Variants in TBX4 observed in about 807,000 individuals in gnomAD.
TBX4 encodes T-box transcription factor TBX4.
Under a neutral mutation model 54.6 loss-of-function variants are expected in TBX4, and 13 were observed. That is an observed-to-expected ratio of 0.24 (90% confidence interval 0.15 to 0.38). TBX4 has a LOEUF of 0.38. TBX4 is among the 10% of genes least tolerant of loss of function. TBX4 has a pLI of 1.00. For missense variants in TBX4, 631 were observed against 728.5 expected (o/e 0.87, Z 1.54); for synonymous variants, 314 against 306.7 (o/e 1.02, Z -0.25).
chr17:61,452,938 A>G (rs1354246798), intron 1 of TBX4: 1 of 985,474 alleles, frequency 1.0e-6, no homozygotes. Flanking sequence ...CAGAATATGC[A>G]AGGCCAAGGA....
At position 61,471,543 on chromosome 17, in the gene TBX4, A is replaced by ATT. The variant is rs59212228; in HGVS notation, c.549+3901_549+3902dup. 3.5e-3 allele frequency among the ~76,000 whole-genome samples: 478 copies of ATT among 136,292 alleles called. 7 individuals carry two copies. The highest frequency in any genetic ancestry group is 0.012 in the African/African-American group (447 of 37,254). 89.4% of individuals were successfully genotyped at this position (136,292 alleles called of 152,430 possible). A position where few individuals can be genotyped will look rare whatever the true frequency, so the allele number is the denominator to read the frequency against. On this transcript the variant is annotated intron_variant, in intron 5 of 8. Coordinates refer to ENST00000644296, the MANE Select transcript of TBX4 (RefSeq NM_001321120.2). ...CCATGGCTACCAATTTCTTTTCAGC[A>ATT]TTTTTTTTTTTTTTTTGCACATAGG...
In TBX4 at chr17:61,456,632, C is replaced by G. The variant is rs879172188; in HGVS notation, c.142C>G (p.Pro48Ala). The change falls in exon 2 of 9, where the codon CCG (proline) becomes GCG (alanine). Residue 48 changes from proline (P) to alanine (A), a missense_variant. This residue lies in a region of TBX4 where 123 missense variants were observed against 120.9 expected (regional missense o/e 1.02). Transcript: ENST00000644296. The stretch of plus-strand genomic sequence containing the variant: ...CAGCGGAGCCGCGCTAGGCAGCCCC[C>G]CGGGACCCGGGGCCGACGTCGTCGC... ...GLSGAALGSP[P>A]GPGADVVAAA... 7.3e-7 allele frequency: 1 copy of G among 1,361,828 alleles called. No homozygotes were observed. Among genetic ancestry groups the G allele is most frequent in the South Asian group, 1.9e-5 (1 of 51,878 alleles). 84.4% of individuals were successfully genotyped at this position (1,361,828 alleles called of 1,614,324 possible).
Position 61,482,970 on chromosome 17 carries a change from T to A in TBX4, c.1095T>A (p.Asp365Glu). 1.2e-6 allele frequency: 2 copies of A among 1,613,856 alleles called. No individual in the cohort carries two copies. The highest frequency in any genetic ancestry group is 1.7e-6 in the Non-Finnish European group (2 of 1,179,922). ...YLEAPSSVGE[D>E]HYFRSPPPYD... ...AAGCCCCCTCTTCGGTGGGGGAGGA[T>A]CACTATTTCCGTTCCCCCCCTCCCT... is the stretch of plus-strand genomic sequence containing the variant. Residue 365 changes from aspartate to glutamate, a missense_variant, in exon 9 of 9, where the codon GAT becomes GAA. Asp to Glu is a conservative substitution (Grantham distance 45, BLOSUM62 2). Around this residue, in one of 3 missense-constraint regions of TBX4, gnomAD observed 354 missense variants for 368.9 expected, o/e 0.96. Coordinates refer to ENST00000644296, the MANE Select transcript of TBX4 (RefSeq NM_001321120.2).
chr17:61,468,527 C>T (rs564226055), intron 5 of TBX4, among the ~76,000 whole-genome samples: 47 of 152,156 alleles, frequency 3.1e-4, no homozygotes, highest in Non-Finnish European at 6.2e-4. Context: ...GCAGGTATGT[C>T]CCGCTTTTAC....
At chr17:61,456,921 A>G (rs1005813206) in intron 2 of TBX4, among the ~76,000 whole-genome samples, 2 of 152,124 alleles carry the variant, frequency 1.3e-5, no homozygotes, top group African/African-American at 4.8e-5. Flanking sequence ...GAGATAGAGG[A>G]GAGGGCGGTA....
At chr17:61,469,931 A>G (rs963071106) in intron 5 of TBX4, among the ~76,000 whole-genome samples, 1 of 152,016 alleles carries the variant, frequency 6.6e-6, no homozygotes, top group African/African-American at 2.4e-5. Context: ...AACCACTTCT[A>G]CGTTTTCAGC....
At position 61,480,394 on chromosome 17, in the gene TBX4, G is replaced by GC. The variant is rs112008276; in HGVS notation, c.1021+86dup. The GC allele has an allele frequency of 0.04, 36,896 of 926,858 alleles. 391 individuals are homozygous for GC. Among genetic ancestry groups the GC allele is most frequent in the African/African-American group, 0.12 (6,776 of 57,792 alleles). 57.4% of individuals were successfully genotyped at this position (926,858 alleles called of 1,614,324 possible). A position where few individuals can be genotyped will look rare whatever the true frequency, so the allele number is the denominator to read the frequency against. On this transcript the variant is annotated intron_variant, in intron 8 of 8. Coordinates refer to ENST00000644296, the MANE Select transcript of TBX4 (RefSeq NM_001321120.2). This position sits in a 1 kb window ranked among gnomAD's most constrained non-coding sequence, Gnocchi z 6.2. ...GTTCTCCCCGAAACCACTCTGCAGC[G>GC]CCCCCCCCCCCAACACACACACACT...
At chr17:61,466,931 G>A (rs2060541396) in intron 4 of TBX4, among the ~76,000 whole-genome samples, 1 of 152,180 alleles carries the variant, frequency 6.6e-6, no homozygotes, top group African/African-American at 2.4e-5. Context: ...AGAGGCAGGA[G>A]GATGACTTGA....
rs1487744569 is a variant in TBX4 at position 61,466,857 on chromosome 17, T to C, written c.402-653T>C. Among the ~76,000 whole-genome samples, 6 of 152,202 alleles carry C rather than the reference T, an allele frequency of 3.9e-5. No homozygotes were observed. The East Asian group carries it at 1.2e-3, about 29-fold the overall frequency. On this transcript the variant is annotated intron_variant, in intron 4 of 8. Coordinates refer to ENST00000644296, the MANE Select transcript of TBX4 (RefSeq NM_001321120.2). ...CCTCTAAATAATATAATTTATAACA[T>C]GTGACAATCATAATCATACCAGGTG...
In TBX4 at chr17:61,457,142, G is replaced by T. The variant is rs1603248427; in HGVS notation, c.187-395G>T. Among the ~76,000 whole-genome samples, 1 of 152,186 alleles carries T rather than the reference G, an allele frequency of 6.6e-6. No homozygotes were observed. Among genetic ancestry groups the T allele is most frequent in the Non-Finnish European group, 1.5e-5 (1 of 68,030 alleles). On this transcript the variant is annotated intron_variant, in intron 2 of 8. Transcript: ENST00000644296. The surrounding 1 kb of genome is among the most constrained non-coding windows in gnomAD (Gnocchi z 8.2). ...GGACGATCACAGCGCACGGGATGCC[G>T]CCTGGGGATCTGTGTGCACTATCTG...
intron 5 of TBX4, among the ~76,000 whole-genome samples, chr17:61,473,582 G>A (rs1225757891): frequency 6.6e-6 from 1 of 152,138 alleles, no homozygotes; most frequent in African/African-American, 2.4e-5. Flanking sequence ...TGACAATGTG[G>A]CAAGCCCTGA....
intron 5 of TBX4, among the ~76,000 whole-genome samples, chr17:61,468,979 G>T (rs1444833696): frequency 2.0e-5 from 3 of 152,178 alleles, no homozygotes; most frequent in Non-Finnish European, 4.4e-5. Flanking sequence ...CTCTGTGTGG[G>T]GAGGCTAGGG....
intron 5 of TBX4, among the ~76,000 whole-genome samples, chr17:61,477,336 G>A (rs1158668619): frequency 6.6e-6 from 1 of 152,236 alleles, no homozygotes; most frequent in African/African-American, 2.4e-5. Context: ...AATGAAGCAG[G>A]TTTGGAGCAG....
chr17:61,469,791 G>A (rs1428330833), intron 5 of TBX4, among the ~76,000 whole-genome samples: 1 of 152,196 alleles, frequency 6.6e-6, no homozygotes, highest in Non-Finnish European at 1.5e-5. Context: ...ATTTTCTTCT[G>A]CCTCTTGGCC....
At chr17:61,470,822 C>T (rs8076731) in intron 5 of TBX4, among the ~76,000 whole-genome samples, 4 of 152,204 alleles carry the variant, frequency 2.6e-5, no homozygotes, top group Non-Finnish European at 2.9e-5. Context: ...GTCCTGTGCC[C>T]GGCGACTATG....
rs1009961 is a variant in TBX4, at chr17:61,467,414, C to T, written c.402-96C>T. On this transcript the variant is annotated intron_variant, in intron 4 of 8. Coordinates refer to ENST00000644296, the MANE Select transcript of TBX4 (RefSeq NM_001321120.2). Reference sequence around the variant, plus strand: ...GTGGTGGGACCAGCAGCTATTTTTTCCTCTGGTCAATGGGGGTTTGCTCCA... The same window carrying T: ...GTGGTGGGACCAGCAGCTATTTTTTTCTCTGGTCAATGGGGGTTTGCTCCA... 0.1 allele frequency: 150,992 copies of T among 1,468,882 alleles called. 8,470 individuals are homozygous for T. Among genetic ancestry groups the T allele is most frequent in the East Asian group, 0.22 (9,414 of 43,552 alleles). The allele number at this position is 1,468,882 out of a possible 1,614,324, so 91.0% of individuals were successfully genotyped here.
intron 1 of TBX4, among the ~76,000 whole-genome samples, chr17:61,454,704 T>A (rs2060434619): frequency 2.0e-5 from 3 of 152,088 alleles, no homozygotes; most frequent in Non-Finnish European, 2.9e-5. Context: ...ACGCGGGCGG[T>A]GAACCAGCTC....
chr17:61,473,220 T>C (rs1387420187), intron 5 of TBX4, among the ~76,000 whole-genome samples: 1 of 152,204 alleles, frequency 6.6e-6, no homozygotes, highest in African/African-American at 2.4e-5. Flanking sequence ...GTTAGGTGTG[T>C]CACCTGATTT....
chr17:61,467,223 C>G (rs2060543186), intron 4 of TBX4, among the ~76,000 whole-genome samples: 1 of 152,164 alleles, frequency 6.6e-6, no homozygotes, highest in South Asian at 2.1e-4. Flanking sequence ...CTCACAATAT[C>G]TTTGTGATTA....
Sources: allele counts gnomAD v4.1 joint callset (sites outside exome capture counted in the v4.1 genomes callset), GRCh38; gene constraint gnomAD v4.1.1; regional missense constraint gnomAD v4.1.1; non-coding constraint Gnocchi (gnomAD v3.1); transcripts MANE v1.5; gene names NCBI Gene and HGNC (gene_info 2026-07-23, HGNC 2026-07-21).